LYPD6: variants seen among roughly 807,000 people sequenced by gnomAD.
LYPD6 encodes ly6/PLAUR domain-containing protein 6.
In LYPD6, 15 loss-of-function variants were observed where a neutral mutation model predicts 22.7. That is an observed-to-expected ratio of 0.66 (90% CI 0.44 to 1.02). The LOEUF (loss-of-function observed/expected upper bound fraction) is 1.02, where lower values mean the gene tolerates loss of function less well. Among genes scored for constraint, LYPD6 ranks in the 50% least tolerant of loss-of-function variants. The pLI, the probability that LYPD6 is intolerant of heterozygous loss-of-function variation, is 0.00. For missense variants in LYPD6, 189 were observed against 208.4 expected (o/e 0.91, Z 0.57); for synonymous variants, 72 against 77.5 (o/e 0.93, Z 0.37).
chr2:149,380,364 T>A (rs1408438945), intron 1 of LYPD6, among the ~76,000 whole-genome samples: 1 of 152,150 alleles, frequency 6.6e-6, no homozygotes, highest in African/African-American at 2.4e-5. Context: ...AAGAAGAGGC[T>A]ATAGAGGCAA....
intron 1 of LYPD6, among the ~76,000 whole-genome samples, chr2:149,413,984 T>C (rs1682909014): frequency 6.6e-6 from 1 of 152,256 alleles, no homozygotes; most frequent in Admixed American, 6.5e-5. Context: ...GGGTGGCCAC[T>C]TGCATCTTTA....
chr2:149,330,529 G>T (rs1484094568), upstream of LYPD6: 2 of 149,720 alleles, frequency 1.3e-5, no homozygotes, highest in South Asian at 4.2e-4. Flanking sequence ...AGTGCCCGGC[G>T]CGAGTGGGAG....
chr2:149,460,366 A>C (rs1306293713), intron 3 of LYPD6, among the ~76,000 whole-genome samples: 1 of 152,136 alleles, frequency 6.6e-6, no homozygotes, highest in Non-Finnish European at 1.5e-5. Flanking sequence ...ACTTCAGTGC[A>C]GATAAAATTA....
intron 1 of LYPD6, among the ~76,000 whole-genome samples, chr2:149,335,773 T>G (rs1681023907): frequency 6.6e-6 from 1 of 152,222 alleles, no homozygotes; most frequent in Non-Finnish European, 1.5e-5. Flanking sequence ...ATGGTACCTT[T>G]TCTATGTTTA....
chr2:149,441,380 C>T (rs1213295813), intron 2 of LYPD6, among the ~76,000 whole-genome samples: 3 of 152,152 alleles, frequency 2.0e-5, no homozygotes, highest in African/African-American at 7.2e-5. Flanking sequence ...AAGACACACA[C>T]ATTTTCTGTA....
At chr2:149,448,439 G>T (rs116596861) in intron 2 of LYPD6, among the ~76,000 whole-genome samples, 1 of 152,032 alleles carries the variant, frequency 6.6e-6, no homozygotes, top group East Asian at 1.9e-4. Flanking sequence ...ATTTTATCAT[G>T]TGTAGGTTTG....
At chr2:149,420,459 G>A (rs937000880) in intron 1 of LYPD6, among the ~76,000 whole-genome samples, 9 of 152,146 alleles carry the variant, frequency 5.9e-5, no homozygotes, top group Non-Finnish European at 4.4e-5. Flanking sequence ...CCCTGGAGAG[G>A]CCTCAAGACA....
chr2:149,373,656 A>T (rs888469491), intron 1 of LYPD6, among the ~76,000 whole-genome samples: 2 of 152,102 alleles, frequency 1.3e-5, no homozygotes, highest in Admixed American at 6.5e-5. Flanking sequence ...CCTCACTTGG[A>T]TTTCATAGCA....
intron 3 of LYPD6, among the ~76,000 whole-genome samples, chr2:149,451,316 C>T (rs572666270): frequency 7.9e-5 from 12 of 152,248 alleles, no homozygotes; most frequent in Non-Finnish European, 1.2e-4. Flanking sequence ...TTGAGGGCTC[C>T]AGACTCATGA....
Position 149,391,214 on chromosome 2 carries a change from T to G in LYPD6, c.-71-46424T>G, listed in dbSNP as rs187888982. Reference sequence around the variant, plus strand: ...TATCTGCCAGACGCTGACATGGTCTTGAATTTTAAAGGTAAGTAAGACTCG... The same window carrying G: ...TATCTGCCAGACGCTGACATGGTCTGGAATTTTAAAGGTAAGTAAGACTCG... On this transcript the variant is annotated intron_variant, in intron 1 of 4. Coordinates refer to ENST00000334166, the MANE Select transcript of LYPD6 (RefSeq NM_194317.5). 2.0e-5 allele frequency among the ~76,000 whole-genome samples: 3 copies of G among 152,354 alleles called. No homozygotes were observed. In the East Asian group the frequency reaches 5.8e-4, roughly 29 times the overall value.
intron 3 of LYPD6, among the ~76,000 whole-genome samples, chr2:149,465,580 G>A (rs1266095697): frequency 2.0e-5 from 3 of 152,134 alleles, no homozygotes; most frequent in Non-Finnish European, 4.4e-5. Context: ...TGGCAAGAAA[G>A]CCTTTTATAA....
At chr2:149,459,227 A>G (rs1681033771) in intron 3 of LYPD6, among the ~76,000 whole-genome samples, 1 of 152,246 alleles carries the variant, frequency 6.6e-6, no homozygotes. Flanking sequence ...TATGGAGGCC[A>G]GAAGTCAATG....
At chr2:149,355,851 CA>C (rs1362458861) in intron 1 of LYPD6, among the ~76,000 whole-genome samples, 1 of 152,064 alleles carries the variant, frequency 6.6e-6, no homozygotes, top group Non-Finnish European at 1.5e-5. Context: ...ATGTATGGGC[CA>C]GAATGTGTCT....
chr2:149,471,039 C>A lies in LYPD6; in HGVS notation c.*189C>A. 1 of 498,822 alleles carries A rather than the reference C, an allele frequency of 2.0e-6. No individual in the cohort carries two copies. The highest frequency in any genetic ancestry group is 3.6e-6 in the Non-Finnish European group (1 of 280,362). The allele number at this position is 498,822 out of a possible 1,614,324, so 30.9% of individuals were successfully genotyped here. On this transcript the variant is annotated 3_prime_UTR_variant, in exon 5 of 5. Coordinates refer to ENST00000334166, the MANE Select transcript of LYPD6 (RefSeq NM_194317.5). ...TCATTGTAGCCATTTTGAGTCTAACCGAGACTCATCAAAGCCTTCTGTCAG... is the reference window on the plus strand; with the variant it reads ...TCATTGTAGCCATTTTGAGTCTAACAGAGACTCATCAAAGCCTTCTGTCAG...
At chr2:149,403,592 T>C (rs1437499830) in intron 1 of LYPD6, among the ~76,000 whole-genome samples, 8 of 144,012 alleles carry the variant, frequency 5.6e-5, no homozygotes, top group African/African-American at 1.6e-4. Flanking sequence ...GTTTTTTTTC[T>C]TGTAAATTTG....
chr2:149,344,317 CT>C (rs1681215191), intron 1 of LYPD6, among the ~76,000 whole-genome samples: 1 of 152,160 alleles, frequency 6.6e-6, no homozygotes, highest in Non-Finnish European at 1.5e-5. Flanking sequence ...AAGCTATGCA[CT>C]TTTCCCTTTT....
chr2:149,409,014 T>C (rs1559141734), intron 1 of LYPD6, among the ~76,000 whole-genome samples: 1 of 152,196 alleles, frequency 6.6e-6, no homozygotes, highest in Non-Finnish European at 1.5e-5. Flanking sequence ...GTTTTTCTGG[T>C]TCTTTCTCAT....
At chr2:149,375,557 T>G (rs2105081578) in intron 1 of LYPD6, among the ~76,000 whole-genome samples, 1 of 152,314 alleles carries the variant, frequency 6.6e-6, no homozygotes, top group East Asian at 1.9e-4. Flanking sequence ...ATACCTTTCC[T>G]AAAGAGAATC....
At chr2:149,394,640 C>G (rs1682388276) in intron 1 of LYPD6, among the ~76,000 whole-genome samples, 1 of 152,084 alleles carries the variant, frequency 6.6e-6, no homozygotes, top group Admixed American at 6.5e-5. Flanking sequence ...ATCTCTCTCT[C>G]TTTCTGTCTC....
Sources: gnomAD v4.1 joint callset for allele counts (sites outside exome capture counted in the v4.1 genomes callset) on GRCh38, gnomAD v4.1.1 for gene constraint, MANE v1.5 for transcripts, NCBI Gene and HGNC (gene_info 2026-07-23, HGNC 2026-07-21) for gene names.